The following PCCB variants were observed in gnomAD, a reference collection of about 807,000 sequenced individuals.
PCCB encodes propionyl-CoA carboxylase beta chain, mitochondrial.
PCCB carries 43 observed loss-of-function variants against 60.7 expected under a neutral mutation model. The ratio of observed to expected loss-of-function variants is 0.71; its 90% CI spans 0.55 to 0.91. The LOEUF (loss-of-function observed/expected upper bound fraction) is 0.91, where lower values mean the gene tolerates loss of function less well. Ranked by LOEUF, PCCB falls within the 40% of genes least tolerant of loss-of-function variation. The probability of loss-of-function intolerance (pLI) is 0.00; values close to 1 mark genes in which losing one functional copy is unlikely to be tolerated. For missense variants in PCCB, 766 were observed against 702.8 expected (o/e 1.09, Z -1.02); for synonymous variants, 276 against 255.9 (o/e 1.08, Z -0.75).
Position 136,330,081 on chromosome 3 carries a change from C to G in PCCB, c.*55C>G. 3 of 1,612,250 alleles carry G rather than the reference C, an allele frequency of 1.9e-6. No individual in the cohort carries two copies. The highest frequency in any genetic ancestry group is 2.5e-6 in the Non-Finnish European group (3 of 1,179,000). ...GAATTACTGTCTGCCCATTCACATCCCATTCCTGCCTTTTGCAATCATGAA... is the reference window on the plus strand; with the variant it reads ...GAATTACTGTCTGCCCATTCACATCGCATTCCTGCCTTTTGCAATCATGAA... On this transcript the variant is annotated 3_prime_UTR_variant, in exon 15 of 15. Transcript: ENST00000251654.
At chr3:136,320,459 A>G (rs992770122) in intron 10 of PCCB, among the ~76,000 whole-genome samples, 2 of 152,210 alleles carry the variant, frequency 1.3e-5, no homozygotes, top group African/African-American at 4.8e-5. Flanking sequence ...TGTCATGTAC[A>G]TGGAATTGCT....
chr3:136,318,582 T>C (rs1934998877), intron 10 of PCCB, among the ~76,000 whole-genome samples: 1 of 152,238 alleles, frequency 6.6e-6, no homozygotes. Flanking sequence ...GCCTTTGCTA[T>C]TCTAAATCTA....
chr3:136,263,157 A>G (rs1269240891), intron 5 of PCCB, among the ~76,000 whole-genome samples: 1 of 150,008 alleles, frequency 6.7e-6, no homozygotes, highest in Non-Finnish European at 1.5e-5. Flanking sequence ...GTTTCACCAT[A>G]TTAGCCAGGT....
At chr3:136,256,654 T>G in intron 3 of PCCB, 31 bp downstream of exon 3, 4 of 1,449,714 alleles carry the variant, frequency 2.8e-6, no homozygotes, top group Non-Finnish European at 3.9e-6. Context: ...TCTGAACTTT[T>G]CTTGGAGGGC....
intron 5 of PCCB, among the ~76,000 whole-genome samples, chr3:136,274,242 A>C (rs979417838): frequency 6.6e-6 from 1 of 151,668 alleles, no homozygotes; most frequent in Non-Finnish European, 1.5e-5. Flanking sequence ...TTATCTTTCA[A>C]GAGGTTTTAT....
At chr3:136,252,726 C>T (rs573278293) in intron 1 of PCCB, among the ~76,000 whole-genome samples, 1 of 146,478 alleles carries the variant, frequency 6.8e-6, no homozygotes, top group East Asian at 2.0e-4. Flanking sequence ...CTGGTCTCAA[C>T]TCCTGGGCTC....
chr3:136,316,276 C>T (rs924875178), intron 9 of PCCB, among the ~76,000 whole-genome samples: 3 of 151,172 alleles, frequency 2.0e-5, no homozygotes, highest in Non-Finnish European at 4.4e-5. Context: ...AATGAAGAAT[C>T]GGGGTGAAGG....
chr3:136,250,658 C>G, intron 1 of PCCB, 100 bp downstream of exon 1: 1 of 1,255,076 alleles, frequency 8.0e-7, no homozygotes, highest in Non-Finnish European at 1.1e-6. Flanking sequence ...CCAATCCGCA[C>G]GGTGCCTGGA....
At chr3:136,268,523 G>A (rs1005692780) in intron 5 of PCCB, among the ~76,000 whole-genome samples, 1 of 150,834 alleles carries the variant, frequency 6.6e-6, no homozygotes, top group Non-Finnish European at 1.5e-5. Flanking sequence ...GAGCACAGTG[G>A]CATGATCTCA....
rs531196524 is a variant in PCCB, at chr3:136,310,618, TAGAAAGTAAACAAAACACACAAGA to T, written c.967-6321_967-6298del. 1.1e-4 allele frequency among the ~76,000 whole-genome samples: 16 copies of T among 152,288 alleles called. No individual in the cohort carries two copies. In the East Asian group the frequency reaches 2.9e-3, roughly 27 times the overall value. On this transcript the variant is annotated intron_variant, in intron 9 of 14. Coordinates refer to ENST00000251654, the MANE Select transcript of PCCB (RefSeq NM_000532.5). ...GTGCCACATAAATTCTTCCAGAGCA[TAGAAAGTAAACAAAACACACAAGA>T]ACCTTCCAAAATTTTTTAAAAGAAG... is the stretch of plus-strand genomic sequence containing the variant.
intron 5 of PCCB, among the ~76,000 whole-genome samples, chr3:136,264,440 G>GTGTATATATATATA: frequency 0.02 from 2,503 of 123,582 alleles, 167 homozygotes; most frequent in African/African-American, 0.067. Context: ...ATGTGTGTGT[G>GTGTATATATATATA]TATATATGTA....
chr3:136,262,123 G>T (rs983034041), intron 5 of PCCB, 58 bp downstream of exon 5: 3 of 1,099,880 alleles, frequency 2.7e-6, no homozygotes, highest in Non-Finnish European at 2.7e-6. Context: ...TCTAAGCCAT[G>T]GCCTGGCCAG....
rs570157096 is a variant in PCCB at position 136,315,382 on chromosome 3, T to A, written c.967-1559T>A. On this transcript the variant is annotated intron_variant, in intron 9 of 14. Transcript: ENST00000251654. ...AACCATCTCTAAAAATACAAAAAAA[T>A]TAGCTGGGCATGGTGGTGCGTGCCT... Among the ~76,000 whole-genome samples, 11 of 151,812 alleles carry A rather than the reference T, an allele frequency of 7.2e-5. No individual in the cohort carries two copies. In the South Asian group the frequency reaches 2.3e-3, roughly 32 times the overall value.
intron 10 of PCCB, among the ~76,000 whole-genome samples, chr3:136,323,397 T>C (rs1226065194): frequency 6.6e-6 from 1 of 152,222 alleles, no homozygotes; most frequent in Non-Finnish European, 1.5e-5. Flanking sequence ...TTCATTTCAT[T>C]TATTGTACTT....
At chr3:136,253,095 T>G (rs1244742200) in intron 1 of PCCB, among the ~76,000 whole-genome samples, 2 of 141,532 alleles carry the variant, frequency 1.4e-5, no homozygotes, top group African/African-American at 2.6e-5. Flanking sequence ...TTTTTTTTTT[T>G]TTTTTTTTTT....
At chr3:136,318,782 G>T (rs1414411390) in intron 10 of PCCB, among the ~76,000 whole-genome samples, 1 of 152,166 alleles carries the variant, frequency 6.6e-6, no homozygotes, top group African/African-American at 2.4e-5. Context: ...TATGTTGCAT[G>T]TATATACCAC....
At chr3:136,297,459 C>A (rs977859608) in intron 7 of PCCB, among the ~76,000 whole-genome samples, 2 of 152,098 alleles carry the variant, frequency 1.3e-5, no homozygotes, top group African/African-American at 4.8e-5. Context: ...TCACTAGGGG[C>A]AGGTGGCTCC....
chr3:136,313,175 A>T (rs1934735779), intron 9 of PCCB, among the ~76,000 whole-genome samples: 1 of 152,206 alleles, frequency 6.6e-6, no homozygotes, highest in Admixed American at 6.5e-5. Flanking sequence ...CTAAATTAGC[A>T]TTTGCCCTTT....
chr3:136,289,632 G>A (rs1223442226), intron 6 of PCCB, among the ~76,000 whole-genome samples: 1 of 152,034 alleles, frequency 6.6e-6, no homozygotes, highest in African/African-American at 2.4e-5. Context: ...GACATTCAGA[G>A]AGATTGTTGG....
Sources: allele counts gnomAD v4.1 joint callset (sites outside exome capture counted in the v4.1 genomes callset), GRCh38; gene constraint gnomAD v4.1.1; transcripts MANE v1.5; gene names NCBI Gene and HGNC (gene_info 2026-07-23, HGNC 2026-07-21).